AHCTF1: variants seen among roughly 807,000 people sequenced by gnomAD.
AHCTF1 encodes the protein protein ELYS.
AHCTF1 carries 24 observed loss-of-function variants against 248.4 expected under a neutral mutation model. The ratio of observed to expected loss-of-function variants is 0.10; its 90% CI spans 0.07 to 0.14. The LOEUF (loss-of-function observed/expected upper bound fraction) is 0.14, where lower values mean the gene tolerates loss of function less well. Ranked by LOEUF, AHCTF1 falls within the 10% of genes least tolerant of loss-of-function variation. The probability of loss-of-function intolerance (pLI) is 1.00; values close to 1 mark genes in which losing one functional copy is unlikely to be tolerated. For missense variants in AHCTF1, 2,206 were observed against 2,636.2 expected, an observed-to-expected ratio of 0.84 and a Z score of 3.57; for synonymous variants, 786 against 929.8, an observed-to-expected ratio of 0.85 and a Z score of 2.81.
At chr1:246,890,894 A>T (rs1243694011) in intron 16 of AHCTF1, 62 bp downstream of exon 16, 1 of 1,131,316 alleles carries the variant, frequency 8.8e-7, no homozygotes, top group African/African-American at 1.6e-5. Context: ...AGAATACAAT[A>T]ACAAAATTAT....
At chr1:246,856,871 A>G (rs1378603928) in intron 30 of AHCTF1, among the ~76,000 whole-genome samples, 1 of 152,220 alleles carries the variant, frequency 6.6e-6, no homozygotes, top group Non-Finnish European at 1.5e-5. Context: ...CATTATGTAT[A>G]AAGTAACGAA....
Position 246,843,900 on chromosome 1 carries a change from C to A in AHCTF1, c.6420G>T (p.Leu2140=). Residue 2140 remains leucine, a synonymous_variant, in exon 34 of 36, where the codon CTG becomes CTT. Transcript: ENST00000648844. ...KAKKIEVPAQ[L]KELVSDLSSQ... is the part of the protein sequence containing the mutation. ...AAGATAAATCCGAAACTAATTCTTTCAGCTGTGCAGGAACCTCTATTTTTT... is the reference window on the plus strand; with the variant it reads ...AAGATAAATCCGAAACTAATTCTTTAAGCTGTGCAGGAACCTCTATTTTTT... The A allele has an allele frequency of 6.7e-7, 1 of 1,492,590 alleles. No homozygotes were observed. Among genetic ancestry groups the A allele is most frequent in the Non-Finnish European group, 8.9e-7 (1 of 1,121,380 alleles). 92.5% of individuals were successfully genotyped at this position (1,492,590 alleles called of 1,614,324 possible).
intron 1 of AHCTF1, among the ~76,000 whole-genome samples, chr1:246,926,122 T>C (rs1180559859): frequency 2.0e-5 from 3 of 151,670 alleles, no homozygotes; most frequent in Non-Finnish European, 4.4e-5. Context: ...GCTCTCCCTT[T>C]GCCTTCTGAC....
intron 23 of AHCTF1, 78 bp downstream of exon 23, chr1:246,876,872 G>A: frequency 1.3e-6 from 2 of 1,523,548 alleles, no homozygotes; most frequent in Non-Finnish European, 1.8e-6. Context: ...CAAACTGTAA[G>A]CTCTTATATA....
intron 8 of AHCTF1, among the ~76,000 whole-genome samples, chr1:246,901,432 G>A (rs1664989760): frequency 6.6e-6 from 1 of 152,112 alleles, no homozygotes; most frequent in African/African-American, 2.4e-5. Flanking sequence ...GTCAGGAGAT[G>A]GCTAACACGG....
intron 1 of AHCTF1, among the ~76,000 whole-genome samples, chr1:246,920,287 T>C (rs956554281): frequency 4.6e-5 from 7 of 151,784 alleles, no homozygotes; most frequent in African/African-American, 1.7e-4. Context: ...AAATGTCTAA[T>C]ATATTTGTGT....
chr1:246,904,805 C>T (rs1665268717), intron 6 of AHCTF1, among the ~76,000 whole-genome samples: 2 of 152,264 alleles, frequency 1.3e-5, no homozygotes, highest in East Asian at 1.9e-4. Flanking sequence ...ATTACTAGTT[C>T]TTATTTCTTT....
At chr1:246,883,069 A>G (rs1317346662) in intron 21 of AHCTF1, among the ~76,000 whole-genome samples, 1 of 152,250 alleles carries the variant, frequency 6.6e-6, no homozygotes, top group African/African-American at 2.4e-5. Context: ...TTAATAAACA[A>G]TATCACTAAC....
chr1:246,879,457 C>T (rs1451291219), intron 21 of AHCTF1, among the ~76,000 whole-genome samples: 5 of 152,164 alleles, frequency 3.3e-5, no homozygotes, highest in African/African-American at 7.2e-5. Context: ...ATGTGCATTA[C>T]GTGGTTACTC....
At chr1:246,909,295 T>C (rs930204091) in intron 4 of AHCTF1, among the ~76,000 whole-genome samples, 7 of 142,924 alleles carry the variant, frequency 4.9e-5, no homozygotes, top group Admixed American at 7.6e-5. Flanking sequence ...TGTGCAACTG[T>C]AGTCCCAGCT....
intron 11 of AHCTF1, 72 bp from the exon 12 acceptor site, chr1:246,898,408 A>C: frequency 6.9e-7 from 1 of 1,450,210 alleles, no homozygotes; most frequent in Admixed American, 2.2e-5. Context: ...TTAATTAATT[A>C]CACTTAAAAT....
intron 21 of AHCTF1, among the ~76,000 whole-genome samples, chr1:246,879,965 A>G (rs993409753): frequency 1.3e-5 from 2 of 152,186 alleles, no homozygotes; most frequent in Non-Finnish European, 2.9e-5. Flanking sequence ...AAAGTGAAAA[A>G]AGTATACTGC....
Position 246,867,892 on chromosome 1 carries a change from C to CG in AHCTF1, c.3089-82_3089-81insC, listed in dbSNP as rs1491203278. The CG allele has an allele frequency of 1.6e-4, 37 of 234,454 alleles. 3 individuals carry two copies. The Admixed American group carries it at 2.4e-3, about 15-fold the overall frequency. The allele number at this position is 234,454 out of a possible 1,614,324, so 14.5% of individuals were successfully genotyped here. A position where few individuals can be genotyped will look rare whatever the true frequency, so the allele number is the denominator to read the frequency against. The stretch of plus-strand genomic sequence containing the variant: ...AAAAGCATATGAAAGAATGATTACA[C>CG]CCCCCCCCCCACACACACACACACA... On this transcript the variant is annotated intron_variant, in intron 24 of 35. Transcript: ENST00000648844.
Position 246,900,411 on chromosome 1 carries a change from C to T in AHCTF1, c.1176G>A (p.Gln392=). Residue 392 remains glutamine, a synonymous_variant, in exon 9 of 36, where the codon CAG becomes CAA. Coordinates refer to ENST00000648844, the MANE Select transcript of AHCTF1 (RefSeq NM_001323342.2). Reference sequence around the variant, plus strand: ...GCCCCAAATATACAGAAGGCTTTCCCTGTCCATATATATTCACCTGCCAGG... The same window carrying T: ...GCCCCAAATATACAGAAGGCTTTCCTTGTCCATATATATTCACCTGCCAGG... ...VFTWQVNIYG[Q]GKPSVYLGLF... The T allele has an allele frequency of 6.2e-7, 1 of 1,600,528 alleles. No individual in the cohort carries two copies. The highest frequency in any genetic ancestry group is 8.5e-7 in the Non-Finnish European group (1 of 1,177,196).
intron 26 of AHCTF1, among the ~76,000 whole-genome samples, chr1:246,866,284 C>A (rs1228097071): frequency 1.3e-5 from 2 of 151,858 alleles, no homozygotes; most frequent in African/African-American, 4.8e-5. Flanking sequence ...AACCTCAGAG[C>A]CATTAAATTA....
At position 246,842,753 on chromosome 1, in the gene AHCTF1, T is replaced by A. The variant is rs770210034; in HGVS notation, c.6549A>T (p.Glu2183Asp). 33 of 1,613,728 alleles carry A rather than the reference T, an allele frequency of 2.0e-5. No homozygotes were observed. Among genetic ancestry groups the A allele is most frequent in the Non-Finnish European group, 2.7e-5 (32 of 1,179,924 alleles). Residue 2183 changes from glutamate to aspartate, a missense_variant, in exon 35 of 36, where the codon GAA becomes GAT. Glu to Asp is a conservative substitution (Grantham distance 45). This residue lies in a region of AHCTF1 where 469 missense variants were observed against 470.0 expected (regional missense o/e 1.00). Coordinates refer to ENST00000648844, the MANE Select transcript of AHCTF1 (RefSeq NM_001323342.2). ...DELKDDAQSV[E>D]TLGKPKAKRI... is the part of the protein sequence containing the mutation. Reference sequence around the variant, plus strand: ...GTTTCGCTTTTGGCTTTCCCAGAGTTTCTACTGATTGTGCATCATCTTTCT... The same window carrying A: ...GTTTCGCTTTTGGCTTTCCCAGAGTATCTACTGATTGTGCATCATCTTTCT...
intron 1 of AHCTF1, among the ~76,000 whole-genome samples, chr1:246,920,416 T>C (rs1033641641): frequency 6.6e-6 from 1 of 152,052 alleles, no homozygotes; most frequent in Non-Finnish European, 1.5e-5. Flanking sequence ...GGTATAAAAA[T>C]TCAATGGAGC....
At chr1:246,858,897 T>C (rs1661310913) in intron 29 of AHCTF1, among the ~76,000 whole-genome samples, 1 of 152,006 alleles carries the variant, frequency 6.6e-6, no homozygotes, top group South Asian at 2.1e-4. Flanking sequence ...TTTTAACAGC[T>C]ACCATTTAAA....
At chr1:246,903,196 GT>G (rs1665127544) in intron 7 of AHCTF1, among the ~76,000 whole-genome samples, 1 of 152,178 alleles carries the variant, frequency 6.6e-6, no homozygotes, top group South Asian at 2.1e-4. Flanking sequence ...CTAGAGACAG[GT>G]ATGTGAGGGT....
Sources: allele counts gnomAD v4.1 joint callset (sites outside exome capture counted in the v4.1 genomes callset), GRCh38; gene constraint gnomAD v4.1.1; regional missense constraint gnomAD v4.1.1; transcripts MANE v1.5; gene names NCBI Gene and HGNC (gene_info 2026-07-23, HGNC 2026-07-21).